Variants in ACAD11 observed in about 807,000 individuals in gnomAD.
ACAD11 encodes the protein acyl-CoA dehydrogenase family member 11.
Under a neutral mutation model 102.2 loss-of-function variants are expected in ACAD11, and 83 were observed. That is an observed-to-expected ratio of 0.81 (90% CI 0.68 to 0.97). The LOEUF is 0.97. Ranked by LOEUF, ACAD11 falls within the 50% of genes least tolerant of loss-of-function variation. The probability of loss-of-function intolerance (pLI) is 0.00; values close to 1 mark genes in which losing one functional copy is unlikely to be tolerated. For synonymous variants in ACAD11, 324 were observed against 319.8 expected (o/e 1.01, Z -0.14); for missense variants, 901 against 951.7 (o/e 0.95, Z 0.70).
At chr3:132,635,082 TAATAAAAA>T (rs1419986804) in intron 5 of ACAD11, among the ~76,000 whole-genome samples, 16 of 149,998 alleles carry the variant, frequency 1.1e-4, no homozygotes, top group Admixed American at 7.3e-4. Context: ...AAAATAAAAA[TAATAAAAA>T]AATAAAAAAA....
At chr3:132,619,383 T>G in intron 10 of ACAD11, 85 bp downstream of exon 10, 1 of 830,884 alleles carries the variant, frequency 1.2e-6, no homozygotes, top group Admixed American at 2.7e-5. Flanking sequence ...CTTCTACATA[T>G]ATAACAATAG....
At chr3:132,598,678 G>C (rs1293533304) in intron 13 of ACAD11, among the ~76,000 whole-genome samples, 1 of 152,226 alleles carries the variant, frequency 6.6e-6, no homozygotes, top group African/African-American at 2.4e-5. Flanking sequence ...TTGTATGGTA[G>C]ATAAAGGAAC....
At chr3:132,587,232 T>C (rs1309046129) in intron 13 of ACAD11, among the ~76,000 whole-genome samples, 1 of 152,192 alleles carries the variant, frequency 6.6e-6, no homozygotes, top group Non-Finnish European at 1.5e-5. Flanking sequence ...AGTTTATTCT[T>C]TTTTCAAATG....
intron 1 of ACAD11, among the ~76,000 whole-genome samples, chr3:132,648,124 A>AT (rs760150788): frequency 6.6e-6 from 1 of 152,166 alleles, no homozygotes; most frequent in Non-Finnish European, 1.5e-5. Context: ...TACAGAAGCC[A>AT]TTATCTGTAG....
At chr3:132,631,086 T>A (rs1435591119) in intron 6 of ACAD11, among the ~76,000 whole-genome samples, 1 of 151,944 alleles carries the variant, frequency 6.6e-6, no homozygotes, top group Non-Finnish European at 1.5e-5. Flanking sequence ...AACACCAACA[T>A]GGCCCATGTA....
chr3:132,588,807 A>T (rs1380568737), intron 13 of ACAD11, among the ~76,000 whole-genome samples: 1 of 152,186 alleles, frequency 6.6e-6, no homozygotes, highest in Non-Finnish European at 1.5e-5. Flanking sequence ...TGGCTTTCCT[A>T]ATTTATCCAA....
At chr3:132,627,121 A>G (rs1939850723) in intron 8 of ACAD11, 2 of 191,482 alleles carry the variant, frequency 1.0e-5, no homozygotes, top group Non-Finnish European at 2.1e-5. Flanking sequence ...CATGCCCACA[A>G]TGGACTGGGG....
chr3:132,609,293 A>T (rs910852276), intron 11 of ACAD11, among the ~76,000 whole-genome samples: 2 of 152,208 alleles, frequency 1.3e-5, no homozygotes, highest in Admixed American at 1.3e-4. Flanking sequence ...CCAAGATCAG[A>T]GCAGAACTGA....
At chr3:132,616,909 C>T (rs938372373) in intron 11 of ACAD11, among the ~76,000 whole-genome samples, 1 of 152,150 alleles carries the variant, frequency 6.6e-6, no homozygotes, top group South Asian at 2.1e-4. Flanking sequence ...ACAAGTTCAA[C>T]CATTATCAGA....
intron 17 of ACAD11, among the ~76,000 whole-genome samples, chr3:132,575,014 T>C (rs1397461617): frequency 2.0e-5 from 3 of 151,998 alleles, no homozygotes; most frequent in Non-Finnish European, 4.4e-5. Context: ...TTTTTTGTTT[T>C]TTTTTGTATT....
chr3:132,604,412 G>A (rs1269277024), intron 12 of ACAD11, among the ~76,000 whole-genome samples: 1 of 152,138 alleles, frequency 6.6e-6, no homozygotes, highest in Non-Finnish European at 1.5e-5. Context: ...GGGAGTCTTA[G>A]AACGTATCCC....
chr3:132,597,074 G>A (rs933510024), intron 13 of ACAD11, among the ~76,000 whole-genome samples: 3 of 152,104 alleles, frequency 2.0e-5, no homozygotes, highest in Admixed American at 1.3e-4. Context: ...ACTATGAAAG[G>A]TCTATAGTTT....
chr3:132,570,312 GCTAAACACAGAATTGGTTTCCAATT>G (rs1339933712), intron 17 of ACAD11, among the ~76,000 whole-genome samples: 4 of 151,992 alleles, frequency 2.6e-5, no homozygotes, highest in Non-Finnish European at 5.9e-5. Flanking sequence ...TTACTGTTAA[GCTAAACACAGAATTGGTTTCCAATT>G]CTAAACACAG....
chr3:132,618,641 T>G lies in ACAD11; in HGVS notation c.1407A>C (p.Gln469His). Residue 469 changes from glutamine to histidine, a missense_variant, in exon 11 of 20, where the codon CAA becomes CAC. Coordinates refer to ENST00000264990, the MANE Select transcript of ACAD11 (RefSeq NM_032169.5). ...TTCAATTAATGTAGTAACCTGGTGCTTGGCAGTTAAAGACATCTGGAGCAA... is the reference window on the plus strand; with the variant it reads ...TTCAATTAATGTAGTAACCTGGTGCGTGGCAGTTAAAGACATCTGGAGCAA... ...CFFAPDVFNC[Q>H]APDTGNMEVL... 2 of 1,592,844 alleles carry G rather than the reference T, an allele frequency of 1.3e-6. No individual in the cohort carries two copies. Among genetic ancestry groups the G allele is most frequent in the Non-Finnish European group, 1.7e-6 (2 of 1,171,470 alleles).
At chr3:132,561,790 C>T (rs1375290200) in intron 17 of ACAD11, among the ~76,000 whole-genome samples, 1 of 152,176 alleles carries the variant, frequency 6.6e-6, no homozygotes, top group African/African-American at 2.4e-5. Flanking sequence ...GTTCCATCTC[C>T]CACAGAACTC....
chr3:132,587,129 C>G (rs537304667), intron 13 of ACAD11, among the ~76,000 whole-genome samples: 2 of 152,114 alleles, frequency 1.3e-5, no homozygotes, highest in South Asian at 2.1e-4. Context: ...AACTCTGGTA[C>G]GTGCACTGAC....
chr3:132,657,889 G>A (rs1576632287), intron 1 of ACAD11, among the ~76,000 whole-genome samples: 1 of 104,430 alleles, frequency 9.6e-6, no homozygotes, highest in East Asian at 3.4e-4. Context: ...TTTTTTTTGA[G>A]TCTCACTCTG....
At chr3:132,574,744 G>A (rs1238258095) in intron 17 of ACAD11, among the ~76,000 whole-genome samples, 1 of 152,168 alleles carries the variant, frequency 6.6e-6, no homozygotes, top group Admixed American at 6.5e-5. Flanking sequence ...AACTTAGAAG[G>A]GAGATGATGT....
intron 1 of ACAD11, chr3:132,654,769 T>C (rs994460073): frequency 3.3e-5 from 5 of 152,244 alleles, no homozygotes; most frequent in Non-Finnish European, 7.3e-5. Flanking sequence ...TTAATGCCTA[T>C]GTGTGTTGGA....
Sources: allele counts gnomAD v4.1 joint callset (sites outside exome capture counted in the v4.1 genomes callset), GRCh38; gene constraint gnomAD v4.1.1; transcripts MANE v1.5; gene names NCBI Gene and HGNC (gene_info 2026-07-23, HGNC 2026-07-21).